The following PLS1 variants were observed in gnomAD, a reference collection of about 807,000 sequenced individuals.
The protein encoded by PLS1 is plastin-1.
In PLS1, 32 loss-of-function variants were observed where a neutral mutation model predicts 73.7. The observed-to-expected ratio is 0.43, with a 90% CI of 0.33 to 0.58. PLS1 has a LOEUF of 0.58. PLS1 is among the 20% of genes least tolerant of loss of function. The pLI is 0.04. For synonymous variants in PLS1, 217 were observed against 261.3 expected, an observed-to-expected ratio of 0.83 and a Z score of 1.63; for missense variants, 633 against 740.5, an observed-to-expected ratio of 0.85 and a Z score of 1.68.
intron 1 of PLS1, among the ~76,000 whole-genome samples, chr3:142,633,307 C>T (rs2036606458): frequency 6.6e-6 from 1 of 152,136 alleles, no homozygotes; most frequent in Non-Finnish European, 1.5e-5. Context: ...TGTTGCATGA[C>T]AATGCAATAT....
intron 10 of PLS1, among the ~76,000 whole-genome samples, chr3:142,693,041 T>TA (rs1368007136): frequency 6.6e-6 from 1 of 152,104 alleles, no homozygotes; most frequent in African/African-American, 2.4e-5. Flanking sequence ...TGGTTATTCT[T>TA]AAAAAAAGAT....
rs1028196343 is a variant in PLS1 at position 142,712,367 on chromosome 3, AT to A, written c.*367del. The A allele has an allele frequency of 1.2e-5, 2 of 167,840 alleles. No individual in the cohort carries two copies. The highest frequency in any genetic ancestry group is 6.9e-5 in the Admixed American group (1 of 14,528). 10.4% of individuals were successfully genotyped at this position (167,840 alleles called of 1,614,324 possible). A position where few individuals can be genotyped will look rare whatever the true frequency, so the allele number is the denominator to read the frequency against. ...AGGTTCTGCTGTGAAATGTGGTTTG[AT>A]TTTTTTGGTGTGTTAATTTTGATCA... On this transcript the variant is annotated 3_prime_UTR_variant, in exon 16 of 16. Coordinates refer to ENST00000457734, the MANE Select transcript of PLS1 (RefSeq NM_001145319.2).
chr3:142,691,276 G>A (rs1304546396), intron 10 of PLS1, among the ~76,000 whole-genome samples: 2 of 151,852 alleles, frequency 1.3e-5, no homozygotes, highest in Non-Finnish European at 2.9e-5. Context: ...TATTTTCTAT[G>A]TAGATACGTA....
intron 12 of PLS1, among the ~76,000 whole-genome samples, chr3:142,699,810 A>G (rs1303435549): frequency 3.3e-5 from 5 of 152,226 alleles, no homozygotes; most frequent in African/African-American, 9.6e-5. Context: ...AAAGGGAAAT[A>G]CATCATAATA....
chr3:142,621,293 A>C (rs956545901), intron 1 of PLS1, among the ~76,000 whole-genome samples: 1 of 152,144 alleles, frequency 6.6e-6, no homozygotes, highest in African/African-American at 2.4e-5. Context: ...CTTGTAACAG[A>C]ATGGAATGGG....
intron 1 of PLS1, among the ~76,000 whole-genome samples, chr3:142,599,172 A>G (rs2035865873): frequency 7.0e-6 from 1 of 143,824 alleles, no homozygotes; most frequent in Non-Finnish European, 1.5e-5. Flanking sequence ...TATTACATGA[A>G]TGAATGAATA....
chr3:142,704,533 GTCAA>G lies in PLS1; in HGVS notation c.1580_1583del (p.Asn527ArgfsTer20). 4 of 1,597,098 alleles carry G rather than the reference GTCAA, an allele frequency of 2.5e-6. No homozygotes were observed. Among genetic ancestry groups the G allele is most frequent in the Non-Finnish European group, 2.6e-6 (3 of 1,167,252 alleles). Reference sequence around the variant, plus strand: ...AAATGATGAAATTATAATTAAATGGGTCAATCAGACTCTTAAAAGTGCAAACAAA... The same window carrying G: ...AAATGATGAAATTATAATTAAATGGGTCAGACTCTTAAAAGTGCAAACAAA... On this transcript the variant is annotated frameshift_variant, in exon 14 of 16. Coordinates refer to ENST00000457734, the MANE Select transcript of PLS1 (RefSeq NM_001145319.2). LOFTEE classifies it high-confidence loss of function.
intron 1 of PLS1, 40 bp from the exon 2 acceptor site, chr3:142,664,162 C>A: frequency 1.2e-6 from 1 of 802,262 alleles, no homozygotes; most frequent in Non-Finnish European, 2.1e-6. Context: ...TAAATGTTTC[C>A]AAAGGCTTCA....
intron 2 of PLS1, among the ~76,000 whole-genome samples, chr3:142,668,930 G>A (rs2037540223): frequency 6.6e-6 from 1 of 152,086 alleles, no homozygotes; most frequent in South Asian, 2.1e-4. Flanking sequence ...TTGATGCTTA[G>A]TCATGTGCTA....
chr3:142,630,749 C>T (rs1364615904), intron 1 of PLS1, among the ~76,000 whole-genome samples: 1 of 151,454 alleles, frequency 6.6e-6, no homozygotes, highest in Non-Finnish European at 1.5e-5. Context: ...AAAACTCTGT[C>T]TCAAAAAAGA....
chr3:142,660,569 A>G (rs1331233499), intron 1 of PLS1, among the ~76,000 whole-genome samples: 1 of 152,182 alleles, frequency 6.6e-6, no homozygotes, highest in Non-Finnish European at 1.5e-5. Flanking sequence ...TCTGCCCAGC[A>G]TGGTGAGAGT....
chr3:142,663,783 T>C (rs1002886522), intron 1 of PLS1, among the ~76,000 whole-genome samples: 1 of 152,242 alleles, frequency 6.6e-6, no homozygotes, highest in African/African-American at 2.4e-5. Context: ...GATAAGCAGA[T>C]GCTGAATTCA....
At chr3:142,670,896 T>C (rs912304376) in intron 3 of PLS1, 97 bp from the exon 4 acceptor site, 4 of 766,990 alleles carry the variant, frequency 5.2e-6, no homozygotes, top group African/African-American at 1.8e-5. Flanking sequence ...AGTATTTAAT[T>C]TGGTGTCATT....
At chr3:142,645,326 A>G (rs769798921) in intron 1 of PLS1, 5 of 152,212 alleles carry the variant, frequency 3.3e-5, no homozygotes, top group African/African-American at 7.2e-5. Flanking sequence ...TGTAGGTTGC[A>G]AAATGCAGTA....
At chr3:142,649,658 G>C (rs2037040602) in intron 1 of PLS1, among the ~76,000 whole-genome samples, 1 of 151,750 alleles carries the variant, frequency 6.6e-6, no homozygotes, top group Non-Finnish European at 1.5e-5. Flanking sequence ...AAAGTGAATA[G>C]GAAGAATTTT....
intron 1 of PLS1, among the ~76,000 whole-genome samples, chr3:142,643,020 G>A (rs957967999): frequency 1.3e-5 from 2 of 152,158 alleles, no homozygotes; most frequent in African/African-American, 4.8e-5. Context: ...TTTGTTATTT[G>A]CTGTCTTCCT....
intron 1 of PLS1, among the ~76,000 whole-genome samples, chr3:142,624,264 C>T (rs1178832445): frequency 6.6e-6 from 1 of 152,134 alleles, no homozygotes; most frequent in Non-Finnish European, 1.5e-5. Context: ...AAGCTTTTCA[C>T]TGTTTCATTG....
intron 1 of PLS1, among the ~76,000 whole-genome samples, chr3:142,647,832 C>G (rs2036992097): frequency 6.6e-6 from 1 of 152,080 alleles, no homozygotes; most frequent in African/African-American, 2.4e-5. Flanking sequence ...TCTTTCTTTC[C>G]TACTTATTTC....
intron 1 of PLS1, among the ~76,000 whole-genome samples, chr3:142,621,064 C>T (rs1455577489): frequency 6.6e-6 from 1 of 152,096 alleles, no homozygotes; most frequent in East Asian, 1.9e-4. Flanking sequence ...CTGCACCATA[C>T]ACTTGGCCCT....
Sources: allele counts gnomAD v4.1 joint callset (sites outside exome capture counted in the v4.1 genomes callset), GRCh38; gene constraint gnomAD v4.1.1; transcripts MANE v1.5; gene names NCBI Gene and HGNC (gene_info 2026-07-23, HGNC 2026-07-21).